The following TENM4 variants were observed in gnomAD, a reference collection of about 807,000 sequenced individuals.
The protein encoded by TENM4 is teneurin transmembrane protein 4.
A neutral mutation model predicts 243.3 loss-of-function variants in TENM4; 82 were observed. The ratio of observed to expected loss-of-function variants is 0.34; its 90% CI spans 0.28 to 0.40. TENM4 has a LOEUF of 0.40. Ranked by LOEUF, TENM4 falls within the 10% of genes least tolerant of loss-of-function variation. The probability of loss-of-function intolerance (pLI) is 1.00; values close to 1 mark genes in which losing one functional copy is unlikely to be tolerated. For missense variants in TENM4, 3,138 were observed against 3,673.3 expected (o/e 0.85, Z 3.77); for synonymous variants, 1,412 against 1,456.3 (o/e 0.97, Z 0.69).
chr11:79,357,447 T>C (rs891576515), intron 1 of TENM4, among the ~76,000 whole-genome samples: 1 of 152,230 alleles, frequency 6.6e-6, no homozygotes, highest in Non-Finnish European at 1.5e-5. Flanking sequence ...GGGAATCGCT[T>C]GAACCATTCT....
Position 78,730,259 on chromosome 11 carries a change from C to T in TENM4, c.3139-616G>A, listed in dbSNP as rs1004333697. On this transcript the variant is annotated intron_variant, in intron 21 of 33. Coordinates refer to ENST00000278550, the MANE Select transcript of TENM4 (RefSeq NM_001098816.3). ...GGGATGCCATGAAGAGAGACTACTG[C>T]GGCCAGCTGCCTAAGCAGGAAGGAT... is the stretch of plus-strand genomic sequence containing the variant. 5.3e-5 allele frequency among the ~76,000 whole-genome samples: 8 copies of T among 152,316 alleles called. 1 individual carries two copies. The highest frequency in any genetic ancestry group is 2.6e-4 in the Admixed American group (4 of 15,300).
At chr11:78,975,237 C>T (rs1857626892) in intron 6 of TENM4, among the ~76,000 whole-genome samples, 1 of 151,946 alleles carries the variant, frequency 6.6e-6, no homozygotes, top group Admixed American at 6.6e-5. Context: ...TCAGCTGCAG[C>T]TCCTGGTGTC....
chr11:78,901,878 A>C (rs1855936226), intron 7 of TENM4, among the ~76,000 whole-genome samples: 1 of 152,180 alleles, frequency 6.6e-6, no homozygotes, highest in Non-Finnish European at 1.5e-5. Context: ...ATCTCTAAGA[A>C]TTTTGCTTTC....
chr11:78,975,181 T>A (rs1293397115), intron 6 of TENM4, among the ~76,000 whole-genome samples: 1 of 9,824 alleles, frequency 1.0e-4, no homozygotes, highest in African/African-American at 4.3e-4. Context: ...GGTATGGGGG[T>A]AGGGTGGGTG....
intron 2 of TENM4, among the ~76,000 whole-genome samples, chr11:79,236,262 C>T (rs1590815962): frequency 6.6e-6 from 1 of 152,146 alleles, no homozygotes; most frequent in Non-Finnish European, 1.5e-5. Context: ...AAATGCACCT[C>T]GTTATTTGTG....
At chr11:78,907,276 G>A (rs1430255319) in intron 6 of TENM4, among the ~76,000 whole-genome samples, 1 of 149,148 alleles carries the variant, frequency 6.7e-6, no homozygotes, top group African/African-American at 2.5e-5. Context: ...CCTATGGCCA[G>A]GAGGGAAGAC....
rs1308049734 is a variant in TENM4 at position 78,712,670 on chromosome 11, C to T, written c.3866G>A (p.Ser1289Asn). 1 of 1,613,882 alleles carries T rather than the reference C, an allele frequency of 6.2e-7. No individual in the cohort carries two copies. The highest frequency in any genetic ancestry group is 1.7e-5 in the Admixed American group (1 of 60,002). ...HKYYLATDPMSGAVFLSDSNS... is the reference protein window; with the variant it reads ...HKYYLATDPMNGAVFLSDSNS... The stretch of plus-strand genomic sequence containing the variant: ...GCTGTCAGAAAGGAAGACGGCCCCA[C>T]TCATGGGGTCTGTGGCCAGGTAGTA... Residue 1289 changes from serine (S) to asparagine (N), a missense_variant, in exon 26 of 34, where the codon AGT becomes AAT. Coordinates refer to ENST00000278550, the MANE Select transcript of TENM4 (RefSeq NM_001098816.3).
At chr11:79,358,847 AT>A in intron 1 of TENM4, among the ~76,000 whole-genome samples, 1 of 151,976 alleles carries the variant, frequency 6.6e-6, no homozygotes, top group East Asian at 1.9e-4. Context: ...AACAACCACT[AT>A]GGGCCAGGCA....
intron 3 of TENM4, among the ~76,000 whole-genome samples, chr11:79,170,146 G>A (rs546900368): frequency 1.3e-5 from 2 of 152,210 alleles, no homozygotes; most frequent in Middle Eastern, 3.4e-3. Flanking sequence ...GGACCTGGTG[G>A]TCTCAGTGGT....
At chr11:78,975,639 C>T (rs1201854331) in intron 6 of TENM4, among the ~76,000 whole-genome samples, 1 of 151,580 alleles carries the variant, frequency 6.6e-6, no homozygotes, top group East Asian at 1.9e-4. Flanking sequence ...TATATGTTTT[C>T]CTCCCTCCAT....
intron 6 of TENM4, among the ~76,000 whole-genome samples, chr11:78,966,592 C>T (rs765997271): frequency 1.3e-5 from 2 of 151,994 alleles, no homozygotes; most frequent in Non-Finnish European, 2.9e-5. Context: ...CAGAACAGAA[C>T]CACAGCCCAG....
At chr11:78,801,065 C>T (rs1355949516) in intron 15 of TENM4, among the ~76,000 whole-genome samples, 2 of 152,074 alleles carry the variant, frequency 1.3e-5, no homozygotes, top group Non-Finnish European at 2.9e-5. Flanking sequence ...GTTACTCTAT[C>T]CTGTGGCTTG....
chr11:78,961,784 C>CTT (rs60789690), intron 6 of TENM4, among the ~76,000 whole-genome samples: 2 of 146,050 alleles, frequency 1.4e-5, no homozygotes, highest in Non-Finnish European at 3.0e-5. Context: ...ATGTCTTAAC[C>CTT]TTTTTTTTTT....
intron 29 of TENM4, among the ~76,000 whole-genome samples, chr11:78,684,024 A>G (rs1397416467): frequency 6.6e-6 from 1 of 152,068 alleles, no homozygotes; most frequent in Non-Finnish European, 1.5e-5. Flanking sequence ...CTCTTTCCAG[A>G]AGCTTCCCCT....
At chr11:79,345,007 C>T (rs1297841891) in intron 1 of TENM4, among the ~76,000 whole-genome samples, 1 of 152,146 alleles carries the variant, frequency 6.6e-6, no homozygotes, top group Non-Finnish European at 1.5e-5. Context: ...TTCTTCCCCA[C>T]TCATATTTGC....
chr11:78,759,237 C>T (rs1490286933), intron 18 of TENM4, among the ~76,000 whole-genome samples: 1 of 152,230 alleles, frequency 6.6e-6, no homozygotes, highest in Non-Finnish European at 1.5e-5. Flanking sequence ...TCTTCTCCAG[C>T]AGTCGGCAGC....
chr11:79,164,368 T>C (rs1202462559), intron 3 of TENM4, among the ~76,000 whole-genome samples: 2 of 108,834 alleles, frequency 1.8e-5, no homozygotes, highest in Non-Finnish European at 3.8e-5. Flanking sequence ...ATATACTATA[T>C]ATAATATATA....
At chr11:78,778,327 C>CGG (rs60605894) in intron 17 of TENM4, among the ~76,000 whole-genome samples, 11 of 120,110 alleles carry the variant, frequency 9.2e-5, no homozygotes, top group East Asian at 7.1e-4. Context: ...GTATGTGGGG[C>CGG]GGGGGGAGGG....
At chr11:79,197,844 G>A (rs972204118) in intron 3 of TENM4, among the ~76,000 whole-genome samples, 11 of 152,004 alleles carry the variant, frequency 7.2e-5, no homozygotes, top group Non-Finnish European at 1.5e-4. Context: ...TCAGAGTCTT[G>A]TTAGTCATGA....
Sources: gnomAD v4.1 joint callset for allele counts (sites outside exome capture counted in the v4.1 genomes callset) on GRCh38, gnomAD v4.1.1 for gene constraint, MANE v1.5 for transcripts, NCBI Gene and HGNC (gene_info 2026-07-23, HGNC 2026-07-21) for gene names.